STAU1: variants seen among roughly 807,000 people sequenced by gnomAD.
STAU1 encodes the protein staufen double-stranded RNA binding protein 1, also known as double-stranded RNA-binding protein Staufen homolog 1.
Under a neutral mutation model 62.9 loss-of-function variants are expected in STAU1, and 13 were observed. The ratio of observed to expected loss-of-function variants is 0.21; its 90% CI spans 0.13 to 0.33. The LOEUF is 0.33. STAU1 is among the 10% of genes least tolerant of loss of function. The pLI, the probability that STAU1 is intolerant of heterozygous loss-of-function variation, is 1.00. For synonymous variants in STAU1, 269 were observed against 265.1 expected (o/e 1.01, Z -0.14); for missense variants, 571 against 712.1 (o/e 0.80, Z 2.25).
chr20:49,183,361 T>C (rs952008636), intron 1 of STAU1, among the ~76,000 whole-genome samples: 3 of 152,146 alleles, frequency 2.0e-5, no homozygotes, highest in African/African-American at 7.2e-5. Flanking sequence ...AATAAGAAGA[T>C]CCAATTTAGA....
the STAU1 span, among the ~76,000 whole-genome samples, chr20:49,214,053 GT>G: frequency 1.3e-5 from 2 of 150,910 alleles, no homozygotes; most frequent in African/African-American, 4.9e-5. Flanking sequence ...TCTAATAAAA[GT>G]ACAAAAAATT....
At chr20:49,155,749 T>C (rs986614245) in intron 3 of STAU1, among the ~76,000 whole-genome samples, 4 of 152,228 alleles carry the variant, frequency 2.6e-5, no homozygotes, top group African/African-American at 9.6e-5. Context: ...ATTCATATAA[T>C]TGCATTTTAA....
In STAU1 at chr20:49,123,201, T is replaced by C. The variant is rs369362574; in HGVS notation, c.857A>G (p.Asn286Ser). The C allele has an allele frequency of 9.3e-6, 15 of 1,614,026 alleles. No homozygotes were observed. The highest frequency in any genetic ancestry group is 4.5e-5 in the East Asian group (2 of 44,882). Residue 286 changes from asparagine to serine, a missense_variant, in exon 8 of 14, where the codon AAT becomes AGT. Physicochemically the swap from Asn to Ser is conservative, Grantham distance 46 (BLOSUM62 1). This residue lies in a region of STAU1 where 414 missense variants were observed against 499.6 expected (regional missense o/e 0.83). Transcript: ENST00000371856. ...GATCTGGGCCAGTCGGCTAATCGGA[T>C]TGATCCCCTGGCCATATTCTGGGCT... is the stretch of plus-strand genomic sequence containing the variant. ...QTSPEYGQGINPISRLAQIQQ... is the reference protein window; with the variant it reads ...QTSPEYGQGISPISRLAQIQQ...
intron 3 of STAU1, among the ~76,000 whole-genome samples, chr20:49,156,535 C>T (rs1484214917): frequency 1.3e-5 from 2 of 152,208 alleles, no homozygotes; most frequent in Non-Finnish European, 2.9e-5. Flanking sequence ...TCCTTCGCTA[C>T]CAAAAGGGCT....
At chr20:49,129,419 C>G (rs1051027478) in intron 6 of STAU1, among the ~76,000 whole-genome samples, 8 of 149,542 alleles carry the variant, frequency 5.3e-5, no homozygotes, top group African/African-American at 2.0e-4. Flanking sequence ...CCCTGAGTAC[C>G]TGGGACTACA....
At chr20:49,157,887 T>C in intron 3 of STAU1, among the ~76,000 whole-genome samples, 1 of 152,064 alleles carries the variant, frequency 6.6e-6, no homozygotes, top group East Asian at 1.9e-4. Context: ...CCTTCCAAAG[T>C]GATAGGATTT....
chr20:49,132,172 C>T (rs896777060), intron 6 of STAU1, among the ~76,000 whole-genome samples: 3 of 152,002 alleles, frequency 2.0e-5, no homozygotes, highest in African/African-American at 2.4e-5. Context: ...CCATAGGTGC[C>T]GCCCACACCC....
the STAU1 span, among the ~76,000 whole-genome samples, chr20:49,215,423 T>A: frequency 6.6e-6 from 1 of 152,124 alleles, no homozygotes; most frequent in Non-Finnish European, 1.5e-5. Flanking sequence ...GAGCCTCAAT[T>A]TCTTCACCTG....
At chr20:49,182,316 C>G (rs1158487604) in intron 1 of STAU1, among the ~76,000 whole-genome samples, 2 of 152,196 alleles carry the variant, frequency 1.3e-5, no homozygotes, top group African/African-American at 4.8e-5. Context: ...CAGTAATTCC[C>G]ATTTTACCAC....
intron 3 of STAU1, among the ~76,000 whole-genome samples, chr20:49,163,164 C>A (rs948690589): frequency 6.6e-6 from 1 of 151,874 alleles, no homozygotes; most frequent in East Asian, 1.9e-4. Flanking sequence ...TGCACTCTAG[C>A]CCGGCGACAG....
chr20:49,115,299 AGGTTTTTTT>A (rs2092290042), intron 13 of STAU1, among the ~76,000 whole-genome samples: 1 of 151,932 alleles, frequency 6.6e-6, no homozygotes, highest in African/African-American at 2.4e-5. Context: ...CAACTCAAAA[AGGTTTTTTT>A]GTTTTTTTTT....
At chr20:49,218,287 C>T in the STAU1 span, among the ~76,000 whole-genome samples, 3 of 150,220 alleles carry the variant, frequency 2.0e-5, no homozygotes, top group Admixed American at 1.3e-4. Flanking sequence ...TGCAGTGGCA[C>T]GATCTCGGCT....
rs182203718 is a variant in STAU1, at chr20:49,118,475, G to T, written c.1114-67C>A. The T allele has an allele frequency of 3.3e-3, 4,146 of 1,260,574 alleles. 20 individuals carry two copies. Among genetic ancestry groups the T allele is most frequent in the Non-Finnish European group, 4.0e-3 (3,588 of 890,048 alleles). 78.1% of individuals were successfully genotyped at this position (1,260,574 alleles called of 1,614,324 possible). ...TCAGATCACTGAAAAATTAGCTCCT[G>T]CTGTCTAAATCTACACAAAGTCCAG... On this transcript the variant is annotated intron_variant, in intron 9 of 13. Coordinates refer to ENST00000371856, the MANE Select transcript of STAU1 (RefSeq NM_017453.4).
intron 3 of STAU1, chr20:49,158,447 G>C: frequency 7.7e-7 from 1 of 1,304,748 alleles, no homozygotes; most frequent in Non-Finnish European, 1.0e-6. Flanking sequence ...CTTCATAGCT[G>C]ATTTTTCTTG....
chr20:49,116,126 G>A (rs1336553407), intron 12 of STAU1, among the ~76,000 whole-genome samples: 1 of 152,084 alleles, frequency 6.6e-6, no homozygotes, highest in African/African-American at 2.4e-5. Context: ...TAACCAGACT[G>A]TATAAATGTT....
intron 3 of STAU1, among the ~76,000 whole-genome samples, chr20:49,156,664 G>T (rs1018463278): frequency 1.3e-5 from 2 of 152,108 alleles, no homozygotes; most frequent in African/African-American, 2.4e-5. Context: ...CAGCAGTACT[G>T]TAAATTCCTA....
intron 6 of STAU1, among the ~76,000 whole-genome samples, chr20:49,129,280 A>ATTTTTTTTTTTTTTTTTTT (rs71184264): frequency 1.1e-5 from 1 of 87,928 alleles, no homozygotes; most frequent in Non-Finnish European, 2.0e-5. Context: ...TTAAAAAAAA[A>ATTTTTTTTTTTTTTTTTTT]TTTTTTTTTT....
chr20:49,124,296 G>C (rs1266524310), intron 7 of STAU1, 79 bp downstream of exon 7: 2 of 1,472,258 alleles, frequency 1.4e-6, no homozygotes, highest in Non-Finnish European at 1.9e-6. Context: ...TTTCACCTTG[G>C]GGACAGCGAC....
chr20:49,196,131 AAAAG>A, the STAU1 span, among the ~76,000 whole-genome samples: 37 of 146,060 alleles, frequency 2.5e-4, no homozygotes, highest in Admixed American at 5.5e-4. Context: ...CTAAAAAAAA[AAAAG>A]AAAGAAAGAG....
Sources: gnomAD v4.1 joint callset for allele counts (sites outside exome capture counted in the v4.1 genomes callset) on GRCh38, gnomAD v4.1.1 for gene constraint, gnomAD v4.1.1 regional missense constraint, MANE v1.5 for transcripts, NCBI Gene and HGNC (gene_info 2026-07-23, HGNC 2026-07-21) for gene names.